Variants in CDH18 observed in about 807,000 individuals in gnomAD.
CDH18 encodes cadherin-18.
In CDH18, 31 loss-of-function variants were observed where a neutral mutation model predicts 67.9. That is an observed-to-expected ratio of 0.46 (90% CI 0.34 to 0.62). The LOEUF is 0.62. Among genes scored for constraint, CDH18 ranks in the 20% least tolerant of loss-of-function variants. CDH18 has a pLI of 0.01. For synonymous variants in CDH18, 362 were observed against 347.2 expected (o/e 1.04, Z -0.48); for missense variants, 890 against 975.5 (o/e 0.91, Z 1.17).
chr5:19,840,288 G>GAAAAAAAAAAAAAAAAAAAAAAAAA (rs70954608), intron 2 of CDH18, among the ~76,000 whole-genome samples: 3 of 128,056 alleles, frequency 2.3e-5, no homozygotes, highest in Non-Finnish European at 3.1e-5. Context: ...AAAAAAAAAA[G>GAAAAAAAAAAAAAAAAAAAAAAAAA]AAAAAAAAAA....
rs1581139463 is a variant in CDH18 at position 20,517,021 on chromosome 5, T to A, written c.-580+58441A>T. ...TTTCATCTTAAAGCACATTTTGTAG[T>A]CTTTGATCATGACAAACGAGAATTA... is the stretch of plus-strand genomic sequence containing the variant. On this transcript the variant is annotated intron_variant, in intron 1 of 14. Coordinates refer to the CDH18 transcript ENST00000507958. Among the ~76,000 whole-genome samples, 5 of 152,092 alleles carry A rather than the reference T, an allele frequency of 3.3e-5. 1 individual carries two copies. The highest frequency in any genetic ancestry group is 1.2e-4 in the African/African-American group (5 of 41,566).
chr5:19,634,986 C>G (rs528149708), intron 5 of CDH18, among the ~76,000 whole-genome samples: 2 of 151,444 alleles, frequency 1.3e-5, no homozygotes, highest in Admixed American at 1.3e-4. Flanking sequence ...GGTGGGTGCT[C>G]ATAATTTTTA....
In CDH18 at chr5:20,178,923, G is replaced by A. The variant is rs145178454; in HGVS notation, c.-518+76521C>T. Among the ~76,000 whole-genome samples, 160 of 152,174 alleles carry A rather than the reference G, an allele frequency of 1.1e-3. 2 individuals carry two copies. Among genetic ancestry groups the A allele is most frequent in the African/African-American group, 3.6e-3 (148 of 41,548 alleles). ...TGAATGACTGCTTATGGACACAGCT[G>A]CATTAATTATTACTTTCAAGAGGGA... On this transcript the variant is annotated intron_variant, in intron 2 of 14. Transcript: ENST00000507958.
At chr5:20,055,649 T>G (rs577540417) in intron 2 of CDH18, among the ~76,000 whole-genome samples, 73 of 152,326 alleles carry the variant, frequency 4.8e-4, no homozygotes, top group Non-Finnish European at 9.6e-4. Context: ...CTCTGCTTTA[T>G]TTTTAGCTAC....
At chr5:20,255,557 A>G (rs1488038801) in intron 1 of CDH18, 2 of 152,258 alleles carry the variant, frequency 1.3e-5, no homozygotes, top group East Asian at 1.9e-4. Flanking sequence ...ATAAAAATCT[A>G]TGCATAATTA....
intron 1 of CDH18, chr5:20,331,528 C>T (rs1739187763): frequency 6.6e-6 from 1 of 152,054 alleles, no homozygotes. Context: ...ATTGTATATT[C>T]AAAATTCTGT....
At chr5:20,390,210 A>C (rs901822531) in intron 1 of CDH18, among the ~76,000 whole-genome samples, 1 of 151,216 alleles carries the variant, frequency 6.6e-6, no homozygotes, top group Admixed American at 6.6e-5. Flanking sequence ...CAACCTACAG[A>C]ATGGGAGAAA....
chr5:19,482,367 C>T (rs1009016270), intron 12 of CDH18, among the ~76,000 whole-genome samples: 35 of 152,172 alleles, frequency 2.3e-4, no homozygotes, highest in Non-Finnish European at 3.8e-4. Flanking sequence ...CCGCCCGCCT[C>T]GGCCTCCCAA....
intron 5 of CDH18, among the ~76,000 whole-genome samples, chr5:19,710,499 C>T (rs1764570855): frequency 6.6e-6 from 1 of 151,992 alleles, no homozygotes. Flanking sequence ...ACTTTGTAAA[C>T]TTGTAAACTG....
At chr5:19,496,744 G>A (rs921282568) in intron 11 of CDH18, among the ~76,000 whole-genome samples, 3 of 149,682 alleles carry the variant, frequency 2.0e-5, no homozygotes, top group East Asian at 2.0e-4. Flanking sequence ...CCTGAGAGGC[G>A]GAGGTTTCAG....
chr5:19,737,172 G>A lies in CDH18; in HGVS notation c.523+9770C>T, dbSNP rs1768452328. ...TTTTTTTTCTATATCCAATTGCTGT[G>A]TCTCCCCTCTATACCTGACCATTGT... is the stretch of plus-strand genomic sequence containing the variant. On this transcript the variant is annotated intron_variant, in intron 4 of 12. Transcript: ENST00000382275. Among the ~76,000 whole-genome samples the A allele has an allele frequency of 2.0e-5, 3 of 152,084 alleles. No homozygotes were observed. In the South Asian group the frequency reaches 6.2e-4, roughly 32 times the overall value.
intron 2 of CDH18, among the ~76,000 whole-genome samples, chr5:20,195,223 C>G (rs1340218174): frequency 6.6e-6 from 1 of 151,962 alleles, no homozygotes; most frequent in Non-Finnish European, 1.5e-5. Context: ...GAAATTTACT[C>G]TTAATGTTAT....
In CDH18 at chr5:19,611,972, G is replaced by GTGTGTA. The variant is rs764887613; in HGVS notation, c.811+461_811+462insTACACA. ...TGCGTGTGTGTGTGTGTGTGTGTGT[G>GTGTGTA]TGTGTGTGTGTGTGCATACATGCAT... On this transcript the variant is annotated intron_variant, in intron 6 of 12. Coordinates refer to ENST00000382275, the MANE Select transcript of CDH18 (RefSeq NM_004934.5). Among the ~76,000 whole-genome samples the GTGTGTA allele has an allele frequency of 2.1e-3, 317 of 151,722 alleles. 2 individuals are homozygous for GTGTGTA. Among genetic ancestry groups the GTGTGTA allele is most frequent in the Non-Finnish European group, 4.0e-3 (274 of 67,912 alleles).
chr5:19,650,103 T>TA (rs1408545607), intron 5 of CDH18, among the ~76,000 whole-genome samples: 2 of 152,054 alleles, frequency 1.3e-5, no homozygotes, highest in South Asian at 2.1e-4. Flanking sequence ...TTTCAATACT[T>TA]ACTGTACACA....
At chr5:20,566,289 T>G (rs1409273017) in intron 1 of CDH18, among the ~76,000 whole-genome samples, 1 of 152,028 alleles carries the variant, frequency 6.6e-6, no homozygotes, top group African/African-American at 2.4e-5. Context: ...TGTTTCAAAT[T>G]TCTCATTGTA....
intron 1 of CDH18, among the ~76,000 whole-genome samples, chr5:20,388,564 C>T (rs935941167): frequency 2.0e-5 from 3 of 151,952 alleles, no homozygotes; most frequent in Non-Finnish European, 1.5e-5. Context: ...GTGTCTCTAT[C>T]TCCTTCAGTT....
intron 3 of CDH18, among the ~76,000 whole-genome samples, chr5:19,755,464 C>T (rs56167854): frequency 0.67 from 53,830 of 80,018 alleles, 20,989 homozygotes; most frequent in Non-Finnish European, 0.85. Flanking sequence ...TATATACACA[C>T]ACACACACAC....
At chr5:20,293,679 G>A (rs1487346856) in intron 1 of CDH18, among the ~76,000 whole-genome samples, 1 of 152,168 alleles carries the variant, frequency 6.6e-6, no homozygotes, top group African/African-American at 2.4e-5. Context: ...AAAGGAGCTT[G>A]AGATATTTAT....
At chr5:19,755,460 C>T (rs111461052) in intron 3 of CDH18, among the ~76,000 whole-genome samples, 9,019 of 21,428 alleles carry the variant, frequency 0.42, 1,981 homozygotes, top group East Asian at 0.73. Flanking sequence ...TATATATATA[C>T]ACACACACAC....
Sources: allele counts gnomAD v4.1 joint callset (sites outside exome capture counted in the v4.1 genomes callset), GRCh38; gene constraint gnomAD v4.1.1; transcripts MANE v1.5; gene names NCBI Gene and HGNC (gene_info 2026-07-23, HGNC 2026-07-21).